Variants in CAMKMT observed in about 807,000 individuals in gnomAD.
The protein encoded by CAMKMT is CaM KMT.
In CAMKMT, 53 loss-of-function variants were observed where a neutral mutation model predicts 48.0. The ratio of observed to expected loss-of-function variants is 1.10; its 90% confidence interval spans 0.89 to 1.39. The LOEUF (loss-of-function observed/expected upper bound fraction) is 1.39, where lower values mean the gene tolerates loss of function less well. Ranked by LOEUF, CAMKMT falls within the 40% of genes most tolerant of loss-of-function variation. CAMKMT has a pLI of 0.00. For missense variants in CAMKMT, 428 were observed against 402.7 expected (o/e 1.06, Z -0.54); for synonymous variants, 165 against 152.3 (o/e 1.08, Z -0.61).
intron 3 of CAMKMT, among the ~76,000 whole-genome samples, chr2:44,443,230 G>A (rs1067349): frequency 0.8 from 121,526 of 152,132 alleles, 49,016 homozygotes; most frequent in African/African-American, 0.91. Context: ...ACACTGAACT[G>A]TACTGAAATA....
intron 3 of CAMKMT, among the ~76,000 whole-genome samples, chr2:44,648,873 C>G (rs1673902199): frequency 6.6e-6 from 1 of 152,186 alleles, no homozygotes. Context: ...CATGAGCCAG[C>G]TAGGTGAACA....
intron 1 of CAMKMT, among the ~76,000 whole-genome samples, chr2:44,367,307 A>G (rs1164542368): frequency 6.6e-6 from 1 of 152,204 alleles, no homozygotes; most frequent in Non-Finnish European, 1.5e-5. Flanking sequence ...TAAATGCTTC[A>G]ATATCCGAAA....
intron 3 of CAMKMT, among the ~76,000 whole-genome samples, chr2:44,683,014 C>G (rs1045035662): frequency 6.6e-6 from 1 of 152,082 alleles, no homozygotes; most frequent in Non-Finnish European, 1.5e-5. Context: ...TTATATAAAG[C>G]AAGGCACACA....
chr2:44,388,973 T>A (rs758452993), intron 2 of CAMKMT, among the ~76,000 whole-genome samples: 1 of 152,166 alleles, frequency 6.6e-6, no homozygotes, highest in Non-Finnish European at 1.5e-5. Flanking sequence ...TCTCTTTTTG[T>A]GCTGGTTGAC....
intron 1 of CAMKMT, among the ~76,000 whole-genome samples, chr2:44,370,523 T>C (rs1157142739): frequency 5.3e-5 from 8 of 152,306 alleles, no homozygotes; most frequent in East Asian, 3.9e-4. Context: ...CTGTATCACA[T>C]TGATAGTTCT....
At chr2:44,387,508 A>T (rs557333154) in intron 2 of CAMKMT, among the ~76,000 whole-genome samples, 25 of 152,122 alleles carry the variant, frequency 1.6e-4, no homozygotes, top group Non-Finnish European at 3.7e-4. Context: ...GGCTATTTAC[A>T]TTCATTGTTA....
intron 1 of CAMKMT, among the ~76,000 whole-genome samples, chr2:44,370,307 AG>A (rs1380757172): frequency 6.6e-6 from 1 of 152,090 alleles, no homozygotes; most frequent in African/African-American, 2.4e-5. Flanking sequence ...CTGGGCCTGG[AG>A]TTTTCTTTGT....
chr2:44,715,835 G>T (rs899591415), intron 7 of CAMKMT, among the ~76,000 whole-genome samples: 1 of 152,118 alleles, frequency 6.6e-6, no homozygotes, highest in African/African-American at 2.4e-5. Flanking sequence ...TGTTGCTTAG[G>T]ACACCCCCGT....
chr2:44,534,063 G>A (rs1666632376), intron 3 of CAMKMT, among the ~76,000 whole-genome samples: 1 of 151,976 alleles, frequency 6.6e-6, no homozygotes, highest in African/African-American at 2.4e-5. Flanking sequence ...GAAACCAAAA[G>A]CAAGCAAGAA....
At chr2:44,439,425 G>T (rs1005625119) in intron 3 of CAMKMT, among the ~76,000 whole-genome samples, 1 of 151,904 alleles carries the variant, frequency 6.6e-6, no homozygotes, top group African/African-American at 2.4e-5. Context: ...CAATCTAGTT[G>T]TTGTTCCACT....
chr2:44,362,110 C>T lies in CAMKMT; in HGVS notation c.103C>T (p.Pro35Ser), dbSNP rs527693297. ...CACTCGGGGGCCCGTAGTCTCGGCG[C>T]CCCTGGGAGCCGCCCGGTGGAAGCT... is the stretch of plus-strand genomic sequence containing the variant. ...CTTRGPVVSA[P>S]LGAARWKLLR... is the part of the protein sequence containing the mutation. The change falls in exon 1 of 11, where the codon CCC becomes TCC. Residue 35 changes from proline (P) to serine (S), a missense_variant. Pro to Ser is a moderately conservative substitution (Grantham distance 74). Transcript: ENST00000378494. The T allele has an allele frequency of 4.2e-5, 61 of 1,469,416 alleles. No individual in the cohort carries two copies. The highest frequency in any genetic ancestry group is 5.4e-5 in the Non-Finnish European group (61 of 1,121,782). 91.0% of individuals were successfully genotyped at this position (1,469,416 alleles called of 1,614,324 possible). A position where few individuals can be genotyped will look rare whatever the true frequency, so the allele number is the denominator to read the frequency against.
At chr2:44,647,780 C>T (rs957965913) in intron 3 of CAMKMT, among the ~76,000 whole-genome samples, 4 of 151,524 alleles carry the variant, frequency 2.6e-5, no homozygotes, top group South Asian at 2.1e-4. Context: ...TGGTAGTGGG[C>T]GCCTGTAGTC....
chr2:44,392,022 G>A (rs6754726), intron 3 of CAMKMT: 21,595 of 152,406 alleles, frequency 0.14, 2,729 homozygotes, highest in African/African-American at 0.34. Flanking sequence ...AAGAAAGTAC[G>A]TACATACTGC....
At chr2:44,568,492 C>A (rs1304430397) in intron 3 of CAMKMT, among the ~76,000 whole-genome samples, 5 of 152,176 alleles carry the variant, frequency 3.3e-5, no homozygotes, top group Non-Finnish European at 7.3e-5. Context: ...ACCCACAGCT[C>A]TGTGGTCCTG....
chr2:44,542,524 C>T (rs1291115213), intron 3 of CAMKMT, among the ~76,000 whole-genome samples: 1 of 103,034 alleles, frequency 9.7e-6, no homozygotes, highest in Admixed American at 1.2e-4. Flanking sequence ...CACACACACA[C>T]ACACACACAC....
At chr2:44,514,117 A>G (rs1186925445) in intron 3 of CAMKMT, among the ~76,000 whole-genome samples, 1 of 145,706 alleles carries the variant, frequency 6.9e-6, no homozygotes, top group Non-Finnish European at 1.5e-5. Flanking sequence ...AAAAAAAAAA[A>G]GAAAATCCTT....
chr2:44,588,300 GGGA>G (rs1324713113), intron 3 of CAMKMT, among the ~76,000 whole-genome samples: 3 of 64,600 alleles, frequency 4.6e-5, no homozygotes, highest in South Asian at 1.0e-3. Flanking sequence ...CCGTCCGGGA[GGGA>G]GGGGGGGGGT....
chr2:44,514,326 G>A (rs996744439), intron 3 of CAMKMT, among the ~76,000 whole-genome samples: 1 of 150,360 alleles, frequency 6.7e-6, no homozygotes, highest in South Asian at 2.1e-4. Flanking sequence ...AGACCTTGGT[G>A]ACTGACTAGA....
At chr2:44,705,800 A>T (rs183370773) in intron 4 of CAMKMT, among the ~76,000 whole-genome samples, 1,582 of 152,184 alleles carry the variant, frequency 0.01, 16 homozygotes, top group Admixed American at 0.033. Flanking sequence ...ATTTTTTTTT[A>T]AAATTCAGGA....
Sources: allele counts gnomAD v4.1 joint callset (sites outside exome capture counted in the v4.1 genomes callset), GRCh38; gene constraint gnomAD v4.1.1; transcripts MANE v1.5; gene names NCBI Gene and HGNC (gene_info 2026-07-23, HGNC 2026-07-21).